CDH22: variants seen among roughly 807,000 people sequenced by gnomAD.
The protein encoded by CDH22 is cadherin 22.
CDH22 carries 30 observed loss-of-function variants against 58.4 expected under a neutral mutation model. The ratio of observed to expected loss-of-function variants is 0.51; its 90% CI spans 0.38 to 0.70. The LOEUF is 0.70. Ranked by LOEUF, CDH22 falls within the 30% of genes least tolerant of loss-of-function variation. The pLI, the probability that CDH22 is intolerant of heterozygous loss-of-function variation, is 0.00. For missense variants in CDH22, 1,014 were observed against 1,233.9 expected (o/e 0.82, Z 2.67); for synonymous variants, 513 against 558.2 (o/e 0.92, Z 1.14).
intron 2 of CDH22, among the ~76,000 whole-genome samples, chr20:46,245,549 G>T (rs942142133): frequency 6.6e-5 from 10 of 152,184 alleles, no homozygotes. Context: ...GTGTGTGTGT[G>T]TGAGTGCACG....
At chr20:46,277,173 C>T (rs2086522676) in intron 1 of CDH22, among the ~76,000 whole-genome samples, 1 of 151,158 alleles carries the variant, frequency 6.6e-6, no homozygotes, top group Admixed American at 6.6e-5. Context: ...AGGCCCAGGA[C>T]AGCCCCGAGA....
At position 46,241,447 on chromosome 20, in the gene CDH22, G is replaced by A. The variant is rs144691675; in HGVS notation, c.256-190C>T. Among the ~76,000 whole-genome samples, 4 of 152,286 alleles carry A rather than the reference G, an allele frequency of 2.6e-5. No individual in the cohort carries two copies. Among genetic ancestry groups the A allele is most frequent in the African/African-American group, 7.2e-5 (3 of 41,566 alleles). ...CTGGCCTGGAGTCTTTCCTCAGCCC[G>A]CTGGGGCCCTCCCTGCCCCTGGACT... is the stretch of plus-strand genomic sequence containing the variant. On this transcript the variant is annotated intron_variant, in intron 2 of 11. Coordinates refer to ENST00000537909, the MANE Select transcript of CDH22 (RefSeq NM_021248.3). The surrounding 1 kb of genome is among the most constrained non-coding windows in gnomAD (Gnocchi z 5.2).
intron 1 of CDH22, among the ~76,000 whole-genome samples, chr20:46,262,722 GAACTC>G (rs2086439291): frequency 6.6e-6 from 1 of 152,146 alleles, no homozygotes; most frequent in Non-Finnish European, 1.5e-5. Context: ...GTCTGGATTT[GAACTC>G]TGATCTGCCA....
chr20:46,288,582 C>A (rs2086586289), intron 1 of CDH22, among the ~76,000 whole-genome samples: 1 of 152,176 alleles, frequency 6.6e-6, no homozygotes, highest in African/African-American at 2.4e-5. Context: ...CATGTCTGAA[C>A]CCGGACTCCT....
intron 7 of CDH22, among the ~76,000 whole-genome samples, chr20:46,204,302 G>A (rs1451529406): frequency 2.7e-5 from 4 of 150,616 alleles, no homozygotes; most frequent in African/African-American, 9.8e-5. Context: ...GCTGAGGCAG[G>A]AGAATTGCAT....
intron 1 of CDH22, among the ~76,000 whole-genome samples, chr20:46,303,522 C>T (rs1029725411): frequency 6.6e-6 from 1 of 152,150 alleles, no homozygotes; most frequent in Non-Finnish European, 1.5e-5. Flanking sequence ...CATAGTAATG[C>T]TTTATATGTA....
chr20:46,205,698 G>C (rs3092548), intron 7 of CDH22, among the ~76,000 whole-genome samples: 108,128 of 152,062 alleles, frequency 0.71, 39,237 homozygotes, highest in African/African-American at 0.83. Context: ...GCACTTTCCT[G>C]CCTCCTTCTC....
At chr20:46,293,071 GAGTA>G (rs1202702326) in intron 1 of CDH22, among the ~76,000 whole-genome samples, 1 of 152,126 alleles carries the variant, frequency 6.6e-6, no homozygotes, top group Non-Finnish European at 1.5e-5. Flanking sequence ...AGTATATGTT[GAGTA>G]AGTAAGAATG....
intron 6 of CDH22, among the ~76,000 whole-genome samples, chr20:46,212,345 C>G (rs1341938838): frequency 1.3e-5 from 2 of 152,100 alleles, no homozygotes; most frequent in East Asian, 1.9e-4. Flanking sequence ...AGAGTGGGGT[C>G]GGAGTGGGTG....
intron 1 of CDH22, among the ~76,000 whole-genome samples, chr20:46,306,241 T>C (rs781173481): frequency 6.6e-6 from 1 of 152,190 alleles, no homozygotes; most frequent in Non-Finnish European, 1.5e-5. Flanking sequence ...ACCCAACACA[T>C]AAGCAGCGTT....
chr20:46,251,135 C>A lies in CDH22; in HGVS notation c.160G>T (p.Ala54Ser), dbSNP rs763349285. ...CGTTTGACGCGGCCGGCTCCCAGCGCGCCGTCCTGCCGAGCTCCGGGCGCC... is the reference window on the plus strand; with the variant it reads ...CGTTTGACGCGGCCGGCTCCCAGCGAGCCGTCCTGCCGAGCTCCGGGCGCC... ...PSAPGARQDGALGAGRVKRGW... is the reference protein window; with the variant it reads ...PSAPGARQDGSLGAGRVKRGW... The change falls in exon 2 of 12, where the codon GCG (alanine) becomes TCG (serine). Residue 54 changes from alanine (A) to serine (S), a missense_variant. Around this residue, in one of 2 missense-constraint regions of CDH22, gnomAD observed 806 missense variants for 1,038.7 expected, o/e 0.78. Transcript: ENST00000537909. This position sits in a 1 kb window ranked among gnomAD's most constrained non-coding sequence, Gnocchi z 6.7. 1.9e-6 allele frequency: 3 copies of A among 1,605,128 alleles called. No individual in the cohort carries two copies. Among genetic ancestry groups the A allele is most frequent in the Non-Finnish European group, 2.6e-6 (3 of 1,176,120 alleles).
intron 3 of CDH22, among the ~76,000 whole-genome samples, chr20:46,240,738 TG>T (rs980069801): frequency 3.9e-5 from 6 of 152,134 alleles, no homozygotes; most frequent in South Asian, 2.1e-4. Context: ...TCCACGTTCA[TG>T]GGGGGCTGTG....
intron 1 of CDH22, among the ~76,000 whole-genome samples, chr20:46,303,565 A>G (rs1600732199): frequency 6.6e-6 from 1 of 152,174 alleles, no homozygotes; most frequent in Admixed American, 6.5e-5. Flanking sequence ...GTAAATATAT[A>G]TATATACATT....
Position 46,186,852 on chromosome 20 carries a change from C to A in CDH22, c.1519G>T (p.Val507Leu). The A allele has an allele frequency of 6.2e-7, 1 of 1,610,182 alleles. No individual in the cohort carries two copies. The change falls in exon 9 of 12, where the codon GTA becomes TTA. Residue 507 changes from valine (V) to leucine (L), a missense_variant. Physicochemically the swap from Val to Leu is conservative, Grantham distance 32. This residue lies in a region of CDH22 where 806 missense variants were observed against 1,038.7 expected (regional missense o/e 0.78). Coordinates refer to ENST00000537909, the MANE Select transcript of CDH22 (RefSeq NM_021248.3). ...PELATPYEAA[V>L]CEDAKPGQLI... is the part of the protein sequence containing the mutation. The stretch of plus-strand genomic sequence containing the variant: ...TGGCCTGGCTTGGCATCCTCGCATA[C>A]AGCTGCCTCGTAGGGTGTGGCCAGT...
chr20:46,293,624 GA>G (rs2086615393), intron 1 of CDH22, among the ~76,000 whole-genome samples: 1 of 152,126 alleles, frequency 6.6e-6, no homozygotes, highest in Non-Finnish European at 1.5e-5. Flanking sequence ...TCTGACTAAA[GA>G]AACCAGATCT....
intron 1 of CDH22, among the ~76,000 whole-genome samples, chr20:46,283,730 C>T (rs143836227): frequency 6.6e-6 from 1 of 151,438 alleles, no homozygotes; most frequent in East Asian, 2.0e-4. Flanking sequence ...ACCGCCATCA[C>T]CAAAGAGTCC....
rs1461365937 is a variant in CDH22 at position 46,308,042 on chromosome 20, T to C, written c.-400+213A>G. ...GGCTCGGCTCCGCGCCGGGGAAAGT[T>C]TGGACGTGGGAAACTCCCTCCCCGC... On this transcript the variant is annotated intron_variant, in intron 1 of 11. Transcript: ENST00000537909. This position sits in a 1 kb window ranked among gnomAD's most constrained non-coding sequence, Gnocchi z 4.3. Among the ~76,000 whole-genome samples the C allele has an allele frequency of 3.3e-5, 5 of 151,342 alleles. No individual in the cohort carries two copies. Among genetic ancestry groups the C allele is most frequent in the South Asian group, 2.1e-4 (1 of 4,812 alleles).
At chr20:46,199,352 T>C in intron 8 of CDH22, 71 bp downstream of exon 8, 2 of 1,545,766 alleles carry the variant, frequency 1.3e-6, no homozygotes, top group Admixed American at 1.8e-5. Flanking sequence ...CCCCAGCCCT[T>C]GGCCCCTCCC....
intron 1 of CDH22, among the ~76,000 whole-genome samples, chr20:46,298,523 T>A (rs2086638230): frequency 6.6e-6 from 1 of 151,450 alleles, no homozygotes; most frequent in Non-Finnish European, 1.5e-5. Context: ...AAATAACGGG[T>A]TGGTGGATAG....
Sources: gnomAD v4.1 joint callset for allele counts (sites outside exome capture counted in the v4.1 genomes callset) on GRCh38, gnomAD v4.1.1 for gene constraint, gnomAD v4.1.1 regional missense constraint, Gnocchi (gnomAD v3.1) non-coding constraint, MANE v1.5 for transcripts, NCBI Gene and HGNC (gene_info 2026-07-23, HGNC 2026-07-21) for gene names.